The following TSHZ2 variants were observed in gnomAD, a reference collection of about 807,000 sequenced individuals.
TSHZ2 encodes the protein teashirt zinc finger homeobox 2, also known as teashirt homolog 2.
Under a neutral mutation model 74.4 loss-of-function variants are expected in TSHZ2, and 21 were observed. The ratio of observed to expected loss-of-function variants is 0.28; its 90% confidence interval spans 0.20 to 0.41. The LOEUF is 0.41. Ranked by LOEUF, TSHZ2 falls within the 10% of genes least tolerant of loss-of-function variation. The probability of loss-of-function intolerance (pLI) is 1.00; values close to 1 mark genes in which losing one functional copy is unlikely to be tolerated. For missense variants in TSHZ2, 1,244 were observed against 1,293.5 expected, an observed-to-expected ratio of 0.96 and a Z score of 0.59; for synonymous variants, 540 against 515.3, an observed-to-expected ratio of 1.05 and a Z score of -0.65.
chr20:53,101,559 T>A (rs775202662), intron 1 of TSHZ2, among the ~76,000 whole-genome samples: 2 of 152,258 alleles, frequency 1.3e-5, no homozygotes, highest in Non-Finnish European at 2.9e-5. Context: ...CATTCTTGAT[T>A]TCAGAACTTT....
chr20:52,999,755 T>C (rs1982344576), intron 1 of TSHZ2, among the ~76,000 whole-genome samples: 1 of 152,186 alleles, frequency 6.6e-6, no homozygotes, highest in South Asian at 2.1e-4. Context: ...CTGGGATTTC[T>C]GGGGGTGGAA....
chr20:53,408,900 G>A lies in TSHZ2; in HGVS notation c.*9-78244G>A, dbSNP rs138450639. On this transcript the variant is annotated intron_variant, in intron 2 of 2. Coordinates refer to ENST00000371497, the MANE Select transcript of TSHZ2 (RefSeq NM_173485.6). ...GAACTGATGTTGCATGAACTTTTCTGCTGTTGTTTCTTTTCCAACTGACAG... is the reference window on the plus strand; with the variant it reads ...GAACTGATGTTGCATGAACTTTTCTACTGTTGTTTCTTTTCCAACTGACAG... Among the ~76,000 whole-genome samples, 3 of 152,256 alleles carry A rather than the reference G, an allele frequency of 2.0e-5. No homozygotes were observed. In the East Asian group the frequency reaches 5.8e-4, roughly 29 times the overall value.
chr20:53,357,701 T>G (rs546902047), intron 2 of TSHZ2, among the ~76,000 whole-genome samples: 3 of 152,290 alleles, frequency 2.0e-5, no homozygotes, highest in African/African-American at 7.2e-5. Flanking sequence ...CTGAATTTGA[T>G]ATCGTGAAAT....
intron 2 of TSHZ2, among the ~76,000 whole-genome samples, chr20:53,325,760 G>T (rs959971470): frequency 6.6e-6 from 1 of 151,936 alleles, no homozygotes; most frequent in Non-Finnish European, 1.5e-5. Flanking sequence ...AGGCCCTCCC[G>T]GCTACTTTAG....
intron 1 of TSHZ2, among the ~76,000 whole-genome samples, chr20:53,040,189 G>A (rs564734747): frequency 1.7e-4 from 26 of 152,298 alleles, no homozygotes; most frequent in African/African-American, 6.0e-4. Context: ...GCCCAGAGAC[G>A]AGGCCTGTCT....
intron 2 of TSHZ2, among the ~76,000 whole-genome samples, chr20:53,342,955 CTTTTTTTT>C (rs1175907478): frequency 2.1e-4 from 13 of 61,234 alleles, no homozygotes; most frequent in East Asian, 2.1e-3. Context: ...CTTTTCTTTT[CTTTTTTTT>C]TTTTTTTTTT....
chr20:53,064,412 T>C lies in TSHZ2; in HGVS notation c.40+91079T>C, dbSNP rs148720841. ...AGAATTATCTTTGAAATTTTATGTC[T>C]TCTATGCTTAAGCCTTCTTTATTTT... On this transcript the variant is annotated intron_variant, in intron 1 of 2. Coordinates refer to ENST00000371497, the MANE Select transcript of TSHZ2 (RefSeq NM_173485.6). Among the ~76,000 whole-genome samples the C allele has an allele frequency of 3.2e-3, 482 of 152,326 alleles. 3 individuals carry two copies. Among genetic ancestry groups the C allele is most frequent in the African/African-American group, 0.011 (447 of 41,570 alleles).
chr20:53,126,039 A>G (rs1324940236), intron 1 of TSHZ2, among the ~76,000 whole-genome samples: 2 of 152,240 alleles, frequency 1.3e-5, no homozygotes, highest in South Asian at 2.1e-4. Context: ...TTTTAAATGC[A>G]CATTTATGAA....
At chr20:53,043,312 G>A (rs542544758) in intron 1 of TSHZ2, among the ~76,000 whole-genome samples, 1 of 152,110 alleles carries the variant, frequency 6.6e-6, no homozygotes, top group South Asian at 2.1e-4. Context: ...TGCCTCTCAG[G>A]GGACATTACC....
intron 1 of TSHZ2, among the ~76,000 whole-genome samples, chr20:52,994,462 A>ATGGATGGG (rs1286085631): frequency 6.6e-6 from 1 of 152,002 alleles, no homozygotes; most frequent in Non-Finnish European, 1.5e-5. Context: ...GGATGGATGG[A>ATGGATGGG]TGGATGGATG....
At chr20:53,095,351 A>G (rs1008124039) in intron 1 of TSHZ2, among the ~76,000 whole-genome samples, 4 of 152,170 alleles carry the variant, frequency 2.6e-5, no homozygotes, top group Non-Finnish European at 5.9e-5. Context: ...CATGATATCA[A>G]ATTGGGTGTG....
chr20:53,422,453 A>G (rs1983508840), intron 2 of TSHZ2, among the ~76,000 whole-genome samples: 1 of 152,162 alleles, frequency 6.6e-6, no homozygotes, highest in Non-Finnish European at 1.5e-5. Context: ...ATTATAGACG[A>G]GACGAAAGGA....
chr20:53,159,718 G>C (rs541032518), intron 1 of TSHZ2, among the ~76,000 whole-genome samples: 53 of 150,392 alleles, frequency 3.5e-4, no homozygotes, highest in African/African-American at 1.2e-3. Context: ...TTCAAAATAG[G>C]AATTGCTCTT....
intron 2 of TSHZ2, among the ~76,000 whole-genome samples, chr20:53,312,640 G>A (rs558297537): frequency 2.0e-5 from 3 of 152,274 alleles, no homozygotes; most frequent in African/African-American, 7.2e-5. Context: ...GACATAACAG[G>A]CTTACAGCTG....
Position 53,492,212 on chromosome 20 carries a change from CAT to C in TSHZ2, c.*5079_*5080del, listed in dbSNP as rs1986468356. The stretch of plus-strand genomic sequence containing the variant: ...CTAATATTAACAGAATTTGAACAAT[CAT>C]ACAATTATGTCTCAAATGTGAAGAC... On this transcript the variant is annotated 3_prime_UTR_variant, in exon 3 of 3. Transcript: ENST00000371497. The C allele has an allele frequency of 6.6e-6, 1 of 152,176 alleles. No individual in the cohort carries two copies. Among genetic ancestry groups the C allele is most frequent in the Non-Finnish European group, 1.5e-5 (1 of 68,030 alleles). 9.4% of individuals were successfully genotyped at this position (152,176 alleles called of 1,614,324 possible).
intron 1 of TSHZ2, among the ~76,000 whole-genome samples, chr20:52,992,290 G>A (rs918831775): frequency 6.6e-6 from 1 of 152,186 alleles, no homozygotes; most frequent in African/African-American, 2.4e-5. Flanking sequence ...GTTCTCCAAG[G>A]TTCCAGGCCT....
At chr20:53,444,507 A>AG (rs1197689617) in intron 2 of TSHZ2, among the ~76,000 whole-genome samples, 2 of 152,162 alleles carry the variant, frequency 1.3e-5, no homozygotes, top group South Asian at 2.1e-4. Context: ...GGATTGAGAG[A>AG]GGCCCACACA....
In TSHZ2 at chr20:52,973,147, G is replaced by A; in HGVS notation, c.-147G>A. The A allele has an allele frequency of 1.5e-5, 15 of 999,460 alleles. No homozygotes were observed. The highest frequency in any genetic ancestry group is 2.2e-5 in the Non-Finnish European group (15 of 682,454). 61.9% of individuals were successfully genotyped at this position (999,460 alleles called of 1,614,324 possible). Reference sequence around the variant, plus strand: ...GCCCGTGGTGGAGGAGTTGCAGGGGGGATCGTCAGGGGGACAGAGGCCGAG... The same window carrying A: ...GCCCGTGGTGGAGGAGTTGCAGGGGAGATCGTCAGGGGGACAGAGGCCGAG... On this transcript the variant is annotated 5_prime_UTR_variant, in exon 1 of 3. Coordinates refer to ENST00000371497, the MANE Select transcript of TSHZ2 (RefSeq NM_173485.6).
At chr20:53,383,669 G>C (rs183229972) in intron 2 of TSHZ2, among the ~76,000 whole-genome samples, 149 of 152,254 alleles carry the variant, frequency 9.8e-4, no homozygotes, top group Admixed American at 2.2e-3. Flanking sequence ...GCTGAAGCAG[G>C]AGAATCTCTT....
Sources: allele counts gnomAD v4.1 joint callset (sites outside exome capture counted in the v4.1 genomes callset), GRCh38; gene constraint gnomAD v4.1.1; transcripts MANE v1.5; gene names NCBI Gene and HGNC (gene_info 2026-07-23, HGNC 2026-07-21).